Variants in CAMTA1 observed in about 807,000 individuals in gnomAD.
CAMTA1 encodes calmodulin-binding transcription activator 1.
In CAMTA1, 27 loss-of-function variants were observed where a neutral mutation model predicts 170.9. The observed-to-expected ratio is 0.16, with a 90% CI of 0.12 to 0.22. The LOEUF is 0.22. Among genes scored for constraint, CAMTA1 ranks in the 10% least tolerant of loss-of-function variants. CAMTA1 has a pLI of 1.00. For synonymous variants in CAMTA1, 833 were observed against 891.5 expected (o/e 0.93, Z 1.17); for missense variants, 1,619 against 2,217.2 (o/e 0.73, Z 5.42).
intron 4 of CAMTA1, among the ~76,000 whole-genome samples, chr1:7,211,542 T>G (rs1476437480): frequency 6.6e-6 from 1 of 152,240 alleles, no homozygotes; most frequent in Non-Finnish European, 1.5e-5. Flanking sequence ...CTCATTATTG[T>G]GATTTTGAGA....
At chr1:6,836,803 G>A (rs746548030) in intron 3 of CAMTA1, among the ~76,000 whole-genome samples, 2 of 152,130 alleles carry the variant, frequency 1.3e-5, no homozygotes, top group South Asian at 2.1e-4. Flanking sequence ...TAGAAAAGGC[G>A]GCCACCTCTA....
chr1:7,529,349 C>T (rs1255104012), intron 6 of CAMTA1, among the ~76,000 whole-genome samples: 1 of 152,022 alleles, frequency 6.6e-6, no homozygotes, highest in Non-Finnish European at 1.5e-5. Flanking sequence ...AGCTGGGGCT[C>T]TCTGTCCTCT....
At chr1:7,385,808 A>AG (rs1206086008) in intron 5 of CAMTA1, among the ~76,000 whole-genome samples, 204 of 152,204 alleles carry the variant, frequency 1.3e-3, no homozygotes, top group East Asian at 7.0e-3. Flanking sequence ...TCTCTTCCAC[A>AG]TTTGGCCTCC....
chr1:6,941,357 T>C (rs1686583222), intron 3 of CAMTA1, among the ~76,000 whole-genome samples: 1 of 152,152 alleles, frequency 6.6e-6, no homozygotes, highest in Non-Finnish European at 1.5e-5. Context: ...AATCGCACAC[T>C]TACCCCAGCT....
At chr1:7,407,022 C>T (rs948977538) in intron 5 of CAMTA1, among the ~76,000 whole-genome samples, 4 of 152,190 alleles carry the variant, frequency 2.6e-5, no homozygotes, top group African/African-American at 9.7e-5. Flanking sequence ...ACTAAGTGCC[C>T]GCAGCCCGGC....
At chr1:6,838,566 C>T (rs1218651267) in intron 3 of CAMTA1, among the ~76,000 whole-genome samples, 1 of 152,172 alleles carries the variant, frequency 6.6e-6, no homozygotes, top group East Asian at 1.9e-4. Flanking sequence ...TATGTATCTT[C>T]AGATTTTTTT....
At chr1:7,410,880 G>A (rs1248611619) in intron 5 of CAMTA1, among the ~76,000 whole-genome samples, 1 of 148,410 alleles carries the variant, frequency 6.7e-6, no homozygotes, top group Admixed American at 6.8e-5. Context: ...TTCCCAACGT[G>A]CATGGAGGGT....
intron 3 of CAMTA1, among the ~76,000 whole-genome samples, chr1:6,913,224 G>T (rs1254877799): frequency 6.6e-6 from 1 of 152,188 alleles, no homozygotes; most frequent in Admixed American, 6.5e-5. Flanking sequence ...TGCTCTGGCG[G>T]CCACTGCTTG....
chr1:7,716,001 G>A (rs2096607092), intron 11 of CAMTA1, among the ~76,000 whole-genome samples: 1 of 152,174 alleles, frequency 6.6e-6, no homozygotes, highest in Admixed American at 6.5e-5. Flanking sequence ...TTTATCAGAA[G>A]GGTCTATGAT....
At position 7,156,425 on chromosome 1, in the gene CAMTA1, C is replaced by T. The variant is rs555649048; in HGVS notation, c.302+65054C>T. On this transcript the variant is annotated intron_variant, in intron 4 of 22. Coordinates refer to ENST00000303635, the MANE Select transcript of CAMTA1 (RefSeq NM_015215.4). ...AGACATGTGGGATCAGAGAGACAGG[C>T]GACCAGCTGGCCTCTGAGGGCCAGA... Among the ~76,000 whole-genome samples the T allele has an allele frequency of 2.6e-5, 4 of 152,204 alleles. No individual in the cohort carries two copies. The East Asian group carries it at 5.8e-4, about 22-fold the overall frequency.
At chr1:7,366,716 G>A (rs914219715) in intron 5 of CAMTA1, among the ~76,000 whole-genome samples, 2 of 152,200 alleles carry the variant, frequency 1.3e-5, no homozygotes, top group African/African-American at 4.8e-5. Flanking sequence ...AAGGCCCTTG[G>A]GCTGCAAGCT....
At chr1:7,488,322 GGCCAGGGATGGCTCCAGACCCT>G (rs999512062) in intron 6 of CAMTA1, among the ~76,000 whole-genome samples, 8 of 152,108 alleles carry the variant, frequency 5.3e-5, no homozygotes, top group Non-Finnish European at 8.8e-5. Context: ...GGCCTGGAGT[GGCCAGGGATGGCTCCAGACCCT>G]GGTGTCTGGC....
intron 5 of CAMTA1, among the ~76,000 whole-genome samples, chr1:7,331,303 C>A (rs1431040462): frequency 1.3e-5 from 2 of 152,116 alleles, no homozygotes; most frequent in Non-Finnish European, 2.9e-5. Flanking sequence ...GGAGAGCGAG[C>A]CTATGGGGCC....
At position 7,769,138 on chromosome 1, in the gene CAMTA1, C is replaced by A. The variant is rs1364304059; in HGVS notation, c.*2647C>A. On this transcript the variant is annotated 3_prime_UTR_variant, in exon 23 of 23. Transcript: ENST00000303635. ...GTAGGTTTAAAGCCTACCAGTGTAA[C>A]CTACCAGTACAACTGTGAATCCTAG... The A allele has an allele frequency of 6.5e-6, 1 of 152,702 alleles. No homozygotes were observed. The highest frequency in any genetic ancestry group is 2.4e-5 in the African/African-American group (1 of 41,412). The allele number at this position is 152,702 out of a possible 1,614,324, so 9.5% of individuals were successfully genotyped here.
chr1:7,011,535 G>A (rs189444180), intron 3 of CAMTA1, among the ~76,000 whole-genome samples: 6 of 151,986 alleles, frequency 3.9e-5, no homozygotes, highest in African/African-American at 9.7e-5. Flanking sequence ...TGAACATGGC[G>A]GGGGGGCCCT....
At chr1:7,428,150 G>C (rs1038312476) in intron 5 of CAMTA1, among the ~76,000 whole-genome samples, 1 of 152,102 alleles carries the variant, frequency 6.6e-6, no homozygotes, top group Non-Finnish European at 1.5e-5. Flanking sequence ...GGAAGTCCAC[G>C]GGCAACCATC....
chr1:7,254,980 C>A (rs997358579), intron 5 of CAMTA1, among the ~76,000 whole-genome samples: 3 of 152,212 alleles, frequency 2.0e-5, no homozygotes, highest in Non-Finnish European at 4.4e-5. Flanking sequence ...GGAGGCGCTG[C>A]GTGTTTCACA....
rs187441138 is a variant in CAMTA1, at chr1:6,888,072, G to T, written c.234+62862G>T. 1.7e-5 allele frequency: 18 copies of T among 1,054,624 alleles called. No homozygotes were observed. The East Asian group carries it at 1.2e-3, about 68-fold the overall frequency. The allele number at this position is 1,054,624 out of a possible 1,614,324, so 65.3% of individuals were successfully genotyped here. A position where few individuals can be genotyped will look rare whatever the true frequency, so the allele number is the denominator to read the frequency against. ...TGCCCCAGCGGTGGTATGTTTTCCA[G>T]TCAGTTACCACCTGTCTCATCAGAA... On this transcript the variant is annotated intron_variant, in intron 3 of 22. Transcript: ENST00000303635.
In CAMTA1 at chr1:7,173,174, G is replaced by T. The variant is rs1370110129; in HGVS notation, c.303-76317G>T. Among the ~76,000 whole-genome samples the T allele has an allele frequency of 6.6e-6, 1 of 152,174 alleles. No individual in the cohort carries two copies. Among genetic ancestry groups the T allele is most frequent in the Non-Finnish European group, 1.5e-5 (1 of 68,040 alleles). On this transcript the variant is annotated intron_variant, in intron 4 of 22. Coordinates refer to ENST00000303635, the MANE Select transcript of CAMTA1 (RefSeq NM_015215.4). The surrounding 1 kb of genome is among the most constrained non-coding windows in gnomAD (Gnocchi z 5.4). ...TTTGGCTGCCCTCTGTCCTCTTGAGGGTCACTATGTCTATGTTTGCATCCC... is the reference window on the plus strand; with the variant it reads ...TTTGGCTGCCCTCTGTCCTCTTGAGTGTCACTATGTCTATGTTTGCATCCC...
Sources: allele counts gnomAD v4.1 joint callset (sites outside exome capture counted in the v4.1 genomes callset), GRCh38; gene constraint gnomAD v4.1.1; non-coding constraint Gnocchi (gnomAD v3.1); transcripts MANE v1.5; gene names NCBI Gene and HGNC (gene_info 2026-07-23, HGNC 2026-07-21).